The following TYW1B variants were observed in gnomAD, a reference collection of about 807,000 sequenced individuals.
TYW1B encodes S-adenosyl-L-methionine-dependent tRNA 4-demethylwyosine synthase TYW1B.
A neutral mutation model predicts 86.9 loss-of-function variants in TYW1B; 73 were observed. The ratio of observed to expected loss-of-function variants is 0.84; its 90% confidence interval spans 0.70 to 1.02. The LOEUF is 1.02. Ranked by LOEUF, TYW1B falls within the 50% of genes least tolerant of loss-of-function variation. The probability of loss-of-function intolerance (pLI) is 0.00; values close to 1 mark genes in which losing one functional copy is unlikely to be tolerated. For synonymous variants in TYW1B, 248 were observed against 292.8 expected, an observed-to-expected ratio of 0.85 and a Z score of 1.56; for missense variants, 637 against 827.4, an observed-to-expected ratio of 0.77 and a Z score of 2.82.
rs1810988366 is a variant in TYW1B, at chr7:72,575,048, G to A, written c.*450C>T. The A allele has an allele frequency of 1.0e-6, 1 of 995,570 alleles. No homozygotes were observed. Among genetic ancestry groups the A allele is most frequent in the Non-Finnish European group, 1.2e-6 (1 of 835,798 alleles). The allele number at this position is 995,570 out of a possible 1,614,324, so 61.7% of individuals were successfully genotyped here. A position where few individuals can be genotyped will look rare whatever the true frequency, so the allele number is the denominator to read the frequency against. On this transcript the variant is annotated 3_prime_UTR_variant, in exon 14 of 14. Coordinates refer to ENST00000620995, the MANE Select transcript of TYW1B (RefSeq NM_001145440.3). ...AGAAAGGGATCAAGCTCTTATCTTA[G>A]AAAGCACAGACACGTTTAGCTCAGG... is the stretch of plus-strand genomic sequence containing the variant.
At chr7:72,584,087 C>T (rs1450075580) in intron 13 of TYW1B, among the ~76,000 whole-genome samples, 1 of 152,192 alleles carries the variant, frequency 6.6e-6, no homozygotes, top group African/African-American at 2.4e-5. Context: ...TCCTCTGTCG[C>T]CCAGACTGGA....
At chr7:72,730,778 C>T (rs181916638) in intron 8 of TYW1B, among the ~76,000 whole-genome samples, 1 of 151,540 alleles carries the variant, frequency 6.6e-6, no homozygotes, top group African/African-American at 2.4e-5. Flanking sequence ...CAAATGTTTG[C>T]ATTTAGGAAT....
At chr7:72,580,413 C>T (rs1483567459) in intron 13 of TYW1B, among the ~76,000 whole-genome samples, 1 of 152,090 alleles carries the variant, frequency 6.6e-6, no homozygotes, top group Non-Finnish European at 1.5e-5. Context: ...TAAAAGAATC[C>T]CTCGAATCCA....
chr7:72,590,878 C>T (rs1682148938), intron 13 of TYW1B, among the ~76,000 whole-genome samples: 1 of 152,072 alleles, frequency 6.6e-6, no homozygotes, highest in South Asian at 2.1e-4. Context: ...ATGGCAGATC[C>T]ACTAGAAACA....
At chr7:72,581,318 G>A (rs1811145351) in intron 13 of TYW1B, among the ~76,000 whole-genome samples, 1 of 150,376 alleles carries the variant, frequency 6.6e-6, no homozygotes, top group African/African-American at 2.5e-5. Flanking sequence ...TGCAGAAAAT[G>A]AGAAGACCCT....
intron 4 of TYW1B, among the ~76,000 whole-genome samples, chr7:72,809,691 A>G (rs1236902673): frequency 6.6e-6 from 1 of 151,932 alleles, no homozygotes; most frequent in African/African-American, 2.4e-5. Context: ...TTTTTTTAAG[A>G]GTTCACCTGC....
At chr7:72,672,199 T>C (rs1280701305) in intron 11 of TYW1B, among the ~76,000 whole-genome samples, 2 of 152,092 alleles carry the variant, frequency 1.3e-5, no homozygotes, top group African/African-American at 2.4e-5. Context: ...TTGCTCCTCC[T>C]TGCCTTCCAT....
intron 11 of TYW1B, among the ~76,000 whole-genome samples, chr7:72,654,086 G>GAAAAAAAAAAAAAAAAA (rs56251020): frequency 1.7e-5 from 2 of 118,600 alleles, no homozygotes; most frequent in Non-Finnish European, 1.7e-5. Context: ...TCACAAAAAA[G>GAAAAAAAAAAAAAAAAA]AAAAAAAAAA....
intron 11 of TYW1B, among the ~76,000 whole-genome samples, chr7:72,694,086 A>G (rs1470202264): frequency 5.3e-5 from 8 of 151,998 alleles, no homozygotes; most frequent in African/African-American, 1.9e-4. Context: ...TCAGCCTCCC[A>G]AACAGCTGGG....
At chr7:72,598,272 C>T (rs1365859929) in intron 13 of TYW1B, among the ~76,000 whole-genome samples, 2 of 152,108 alleles carry the variant, frequency 1.3e-5, no homozygotes, top group East Asian at 1.9e-4. Context: ...CCTCGAACAT[C>T]GGACTCCAAG....
intron 7 of TYW1B, 127 bp from the exon 8 acceptor site, chr7:72,744,728 G>A (rs1554463326): frequency 1.1e-5 from 12 of 1,056,082 alleles, no homozygotes; most frequent in African/African-American, 9.4e-5. Flanking sequence ...GTATCTGCAT[G>A]ACGCAGGAAA....
At chr7:72,629,753 A>G (rs1441482706) in intron 11 of TYW1B, among the ~76,000 whole-genome samples, 1 of 152,084 alleles carries the variant, frequency 6.6e-6, no homozygotes, top group Non-Finnish European at 1.5e-5. Flanking sequence ...TTGCTGTGTT[A>G]TTCAGGCTGG....
chr7:72,759,753 T>C (rs1787656447), intron 7 of TYW1B, among the ~76,000 whole-genome samples: 1 of 152,224 alleles, frequency 6.6e-6, no homozygotes, highest in Non-Finnish European at 1.5e-5. Flanking sequence ...GAGAAGTCTT[T>C]TAAAGGGCTT....
At chr7:72,619,413 G>A (rs1336769088) in intron 12 of TYW1B, among the ~76,000 whole-genome samples, 16 of 151,732 alleles carry the variant, frequency 1.1e-4, no homozygotes, top group Non-Finnish European at 1.6e-4. Flanking sequence ...AGGCCGAGGC[G>A]GGTGGATCAT....
chr7:72,810,860 C>T (rs1281430181), intron 3 of TYW1B, among the ~76,000 whole-genome samples, 195 bp from the exon 4 acceptor site: 1 of 152,062 alleles, frequency 6.6e-6, no homozygotes, highest in Non-Finnish European at 1.5e-5. Flanking sequence ...AACCCAGTCC[C>T]TTGCTCCTGC....
chr7:72,610,541 C>T (rs1426986359), intron 13 of TYW1B, among the ~76,000 whole-genome samples: 2 of 152,042 alleles, frequency 1.3e-5, no homozygotes, highest in African/African-American at 2.4e-5. Context: ...TCATTCATCA[C>T]AGCCTTTGTC....
Position 72,574,732 on chromosome 7 carries a change from C to T in TYW1B, c.*766G>A, listed in dbSNP as rs1307920814. ...ATGAGAGGCCCGGACAGTGACCTCA[C>T]GAACAAAAAGAAATGATCCTCTTCA... On this transcript the variant is annotated 3_prime_UTR_variant, in exon 14 of 14. Coordinates refer to ENST00000620995, the MANE Select transcript of TYW1B (RefSeq NM_001145440.3). The T allele has an allele frequency of 8.1e-6, 8 of 985,232 alleles. No individual in the cohort carries two copies. The highest frequency in any genetic ancestry group is 4.8e-6 in the Non-Finnish European group (4 of 829,948). 61.0% of individuals were successfully genotyped at this position (985,232 alleles called of 1,614,324 possible). A position where few individuals can be genotyped will look rare whatever the true frequency, so the allele number is the denominator to read the frequency against.
chr7:72,755,297 T>C (rs574721740), intron 7 of TYW1B, among the ~76,000 whole-genome samples: 1 of 152,176 alleles, frequency 6.6e-6, no homozygotes, highest in Non-Finnish European at 1.5e-5. Flanking sequence ...TGCGCACCTA[T>C]AGTCCCAGCT....
At chr7:72,811,087 C>T (rs541181010) in intron 3 of TYW1B, among the ~76,000 whole-genome samples, 32 of 151,762 alleles carry the variant, frequency 2.1e-4, no homozygotes, top group South Asian at 1.5e-3. Context: ...CTGGCTAACA[C>T]GGTGAAACCC....
Sources: gnomAD v4.1 joint callset for allele counts (sites outside exome capture counted in the v4.1 genomes callset) on GRCh38, gnomAD v4.1.1 for gene constraint, MANE v1.5 for transcripts, NCBI Gene and HGNC (gene_info 2026-07-23, HGNC 2026-07-21) for gene names.